Variants in SLC27A6 observed in about 807,000 individuals in gnomAD.
The protein encoded by SLC27A6 is solute carrier family 27 member 6, also known as long-chain fatty acid transport protein 6.
Under a neutral mutation model 63.9 loss-of-function variants are expected in SLC27A6, and 74 were observed. That is an observed-to-expected ratio of 1.16 (90% CI 0.96 to 1.40). SLC27A6 has a LOEUF of 1.40. SLC27A6 is among the 40% of genes most tolerant of loss of function. The pLI is 0.00. For missense variants in SLC27A6, 794 were observed against 732.9 expected (o/e 1.08, Z -0.96); for synonymous variants, 287 against 260.8 (o/e 1.10, Z -0.97).
intron 1 of SLC27A6, among the ~76,000 whole-genome samples, chr5:128,977,941 CT>C (rs2150130440): frequency 6.6e-6 from 1 of 152,216 alleles, no homozygotes; most frequent in Non-Finnish European, 1.5e-5. Context: ...AGATGGTAAT[CT>C]TGGCAGCAGA....
intron 4 of SLC27A6, among the ~76,000 whole-genome samples, chr5:129,003,258 G>T (rs1751405383): frequency 6.6e-6 from 1 of 152,120 alleles, no homozygotes; most frequent in Non-Finnish European, 1.5e-5. Flanking sequence ...AAAGTTCTGT[G>T]AAAAGGAATT....
intron 1 of SLC27A6, among the ~76,000 whole-genome samples, chr5:128,973,745 T>G (rs940213902): frequency 6.6e-6 from 1 of 152,220 alleles, no homozygotes; most frequent in African/African-American, 2.4e-5. Context: ...GGCGATGCCC[T>G]GTCCTACTTT....
intron 4 of SLC27A6, among the ~76,000 whole-genome samples, chr5:128,995,665 G>T (rs777711460): frequency 5.3e-5 from 8 of 152,118 alleles, no homozygotes; most frequent in Non-Finnish European, 1.0e-4. Flanking sequence ...CGTCATGACA[G>T]AAGAAACTCA....
chr5:129,029,634 A>T lies in SLC27A6; in HGVS notation c.1610A>T (p.Asp537Val). The T allele has an allele frequency of 6.2e-7, 1 of 1,601,516 alleles. No homozygotes were observed. Among genetic ancestry groups the T allele is most frequent in the East Asian group, 2.2e-5 (1 of 44,516 alleles). The change falls in exon 9 of 10, where the codon GAT becomes GTT. Residue 537 changes from aspartate (D) to valine (V), a missense_variant. Physicochemically the swap from Asp to Val is radical, Grantham distance 152. Coordinates refer to ENST00000262462, the MANE Select transcript of SLC27A6 (RefSeq NM_001017372.3). Reference sequence around the variant, plus strand: ...ATTTTAAAACCAAATACATCTTTAGATTTGGAAAAAGTTTATGAACAAGTT... The same window carrying T: ...ATTTTAAAACCAAATACATCTTTAGTTTTGGAAAAAGTTTATGAACAAGTT... ...SIILKPNTSL[D>V]LEKVYEQVVT...
At chr5:129,008,794 G>A (rs1048839436) in intron 4 of SLC27A6, among the ~76,000 whole-genome samples, 4 of 151,840 alleles carry the variant, frequency 2.6e-5, no homozygotes, top group Non-Finnish European at 5.9e-5. Context: ...ATTTATGTAG[G>A]TCTAAGGAAA....
intron 2 of SLC27A6, among the ~76,000 whole-genome samples, chr5:128,988,090 T>C (rs929419687): frequency 1.3e-5 from 2 of 152,170 alleles, no homozygotes; most frequent in African/African-American, 4.8e-5. Flanking sequence ...GAAAGACTGA[T>C]AATTGCTCAA....
chr5:128,998,979 T>C (rs925652892), intron 4 of SLC27A6, among the ~76,000 whole-genome samples: 13 of 152,178 alleles, frequency 8.5e-5, no homozygotes, highest in African/African-American at 3.1e-4. Context: ...CCATGTGACA[T>C]AGGGCAATTC....
In SLC27A6 at chr5:129,028,345, A is replaced by T; in HGVS notation, c.1455A>T (p.Arg485Ser). 4 of 1,600,770 alleles carry T rather than the reference A, an allele frequency of 2.5e-6. No homozygotes were observed. Among genetic ancestry groups the T allele is most frequent in the Non-Finnish European group, 3.4e-6 (4 of 1,169,548 alleles). The change falls in exon 8 of 10, where the codon AGA becomes AGT. Residue 485 changes from arginine (R) to serine (S), a missense_variant and splice_region_variant. Coordinates refer to ENST00000262462, the MANE Select transcript of SLC27A6 (RefSeq NM_001017372.3). ...YFWDRTGDTFRWKGENVATTE... is the reference protein window; with the variant it reads ...YFWDRTGDTFSWKGENVATTE... ...CTGGAATTTGATTTTTTTCATTTAG[A>T]TGGAAAGGAGAAAATGTCGCAACCA...
intron 4 of SLC27A6, among the ~76,000 whole-genome samples, chr5:128,998,119 A>G (rs1243517238): frequency 8.7e-5 from 1 of 11,536 alleles, no homozygotes. Flanking sequence ...CATCTCTACA[A>G]AAAAAAAAAA....
chr5:129,028,392 G>T lies in SLC27A6; in HGVS notation c.1502G>T (p.Gly501Val), dbSNP rs746160788. The change falls in exon 8 of 10, where the codon GGA becomes GTA. Residue 501 changes from glycine to valine, a missense_variant. Transcript: ENST00000262462. ...ACCACTGAGGTTGCTGATGTTATTG[G>T]AATGTTGGATTTCATACAGGAAGCA... ...VATTEVADVI[G>V]MLDFIQEANV... is the part of the protein sequence containing the mutation. 1.8e-5 allele frequency: 29 copies of T among 1,610,850 alleles called. No homozygotes were observed. The Admixed American group carries it at 4.7e-4, about 26-fold the overall frequency.
chr5:129,023,067 G>A (rs1194123969), intron 5 of SLC27A6, among the ~76,000 whole-genome samples: 1 of 151,958 alleles, frequency 6.6e-6, no homozygotes, highest in Non-Finnish European at 1.5e-5. Flanking sequence ...GTTAGTTTAG[G>A]AGCGTTACAG....
intron 4 of SLC27A6, among the ~76,000 whole-genome samples, chr5:129,013,951 C>T (rs1200951880): frequency 6.6e-6 from 1 of 152,142 alleles, no homozygotes; most frequent in Admixed American, 6.5e-5. Context: ...ACAAAAGGCT[C>T]AGATTCTAGG....
intron 4 of SLC27A6, among the ~76,000 whole-genome samples, chr5:128,992,032 A>G (rs1198063079): frequency 1.3e-5 from 2 of 151,234 alleles, no homozygotes. Flanking sequence ...TTATTATTAT[A>G]AATTATTTAT....
At chr5:128,982,992 G>T (rs1750645162) in intron 1 of SLC27A6, among the ~76,000 whole-genome samples, 1 of 151,994 alleles carries the variant, frequency 6.6e-6, no homozygotes, top group South Asian at 2.1e-4. Context: ...TTATCTTGCT[G>T]CTGCTTTGTG....
At position 128,988,270 on chromosome 5, in the gene SLC27A6, T is replaced by C. The variant is rs1308833333; in HGVS notation, c.686-330T>C. 2.6e-5 allele frequency among the ~76,000 whole-genome samples: 4 copies of C among 152,328 alleles called. No individual in the cohort carries two copies. The East Asian group carries it at 7.7e-4, about 29-fold the overall frequency. On this transcript the variant is annotated intron_variant, in intron 2 of 9. Transcript: ENST00000262462. ...AAAAACTTACCTCCCAAATGCTCTT[T>C]ATCAGATAGCTACTGAAACCAAATG...
intron 1 of SLC27A6, among the ~76,000 whole-genome samples, chr5:128,983,496 T>C (rs990605782): frequency 1.8e-4 from 28 of 152,054 alleles, no homozygotes; most frequent in Non-Finnish European, 3.5e-4. Context: ...GGTTTCACCA[T>C]GTTGGCCAGG....
intron 5 of SLC27A6, among the ~76,000 whole-genome samples, 198 bp downstream of exon 5, chr5:129,016,277 T>G (rs1163429614): frequency 6.6e-6 from 1 of 150,670 alleles, no homozygotes; most frequent in Non-Finnish European, 1.5e-5. Flanking sequence ...ACACCTGTAG[T>G]CCCAACTAGT....
chr5:129,001,695 CTTT>C (rs1427203322), intron 4 of SLC27A6, among the ~76,000 whole-genome samples: 4 of 152,086 alleles, frequency 2.6e-5, no homozygotes, highest in Non-Finnish European at 5.9e-5. Flanking sequence ...AACAAACATT[CTTT>C]TGTTTCATGA....
chr5:128,968,543 G>A (rs1268169492), intron 1 of SLC27A6, among the ~76,000 whole-genome samples: 2 of 152,076 alleles, frequency 1.3e-5, no homozygotes, highest in Admixed American at 6.5e-5. Flanking sequence ...TGTGTCTGTT[G>A]GCTACATAAA....
Sources: gnomAD v4.1 joint callset for allele counts (sites outside exome capture counted in the v4.1 genomes callset) on GRCh38, gnomAD v4.1.1 for gene constraint, MANE v1.5 for transcripts, NCBI Gene and HGNC (gene_info 2026-07-23, HGNC 2026-07-21) for gene names.